The following CDIN1 variants were observed in gnomAD, a reference collection of about 807,000 sequenced individuals.
CDIN1 encodes CDAN1-interacting nuclease 1.
A neutral mutation model predicts 45.3 loss-of-function variants in CDIN1; 33 were observed. That is an observed-to-expected ratio of 0.73 (90% CI 0.55 to 0.97). CDIN1 has a LOEUF of 0.97. Among genes scored for constraint, CDIN1 ranks in the 50% least tolerant of loss-of-function variants. The probability of loss-of-function intolerance (pLI) is 0.00; values close to 1 mark genes in which losing one functional copy is unlikely to be tolerated. For missense variants in CDIN1, 303 were observed against 339.4 expected (o/e 0.89, Z 0.84); for synonymous variants, 118 against 124.4 (o/e 0.95, Z 0.34).
At position 36,595,819 on chromosome 15, in the gene CDIN1, A is replaced by T. The variant is rs116415218; in HGVS notation, c.101+15858A>T. ...AATACTTGGGAGATGAATAGAGCTTACACACAAGGGAAGATATTGCTGTCC... is the reference window on the plus strand; with the variant it reads ...AATACTTGGGAGATGAATAGAGCTTTCACACAAGGGAAGATATTGCTGTCC... On this transcript the variant is annotated intron_variant, in intron 1 of 10. Coordinates refer to ENST00000566621, the MANE Select transcript of CDIN1 (RefSeq NM_001321759.2). 7.9e-3 allele frequency among the ~76,000 whole-genome samples: 1,211 copies of T among 152,354 alleles called. 16 individuals are homozygous for T. The highest frequency in any genetic ancestry group is 0.028 in the African/African-American group (1,164 of 41,588).
intron 8 of CDIN1, among the ~76,000 whole-genome samples, chr15:36,701,114 A>ATAGG (rs56409880): frequency 5.0e-4 from 59 of 117,984 alleles, no homozygotes; most frequent in African/African-American, 1.9e-3. Context: ...AGATAGATAG[A>ATAGG]TAGGTAGGTA....
chr15:36,600,684 T>C (rs1418718786), intron 1 of CDIN1, among the ~76,000 whole-genome samples: 1 of 152,208 alleles, frequency 6.6e-6, no homozygotes, highest in Non-Finnish European at 1.5e-5. Flanking sequence ...AGTAGAAATT[T>C]GTATATTAAC....
intron 1 of CDIN1, among the ~76,000 whole-genome samples, chr15:36,621,021 A>G (rs2039162359): frequency 6.6e-6 from 1 of 152,222 alleles, no homozygotes; most frequent in African/African-American, 2.4e-5. Flanking sequence ...ACAAGTTTAC[A>G]TGCTGTTATT....
chr15:36,607,666 C>G (rs370010782), intron 1 of CDIN1, among the ~76,000 whole-genome samples: 1 of 151,910 alleles, frequency 6.6e-6, no homozygotes, highest in South Asian at 2.1e-4. Flanking sequence ...GTGTATTGTA[C>G]GTTATATAAG....
chr15:36,629,877 A>G (rs556262304), intron 1 of CDIN1, among the ~76,000 whole-genome samples: 1 of 152,286 alleles, frequency 6.6e-6, no homozygotes, highest in African/African-American at 2.4e-5. Flanking sequence ...GAAGAATTGA[A>G]ATTGTGAGGT....
At chr15:36,618,443 A>G (rs2038998674) in intron 1 of CDIN1, 2 of 869,454 alleles carry the variant, frequency 2.3e-6, no homozygotes, top group Admixed American at 1.7e-5. Context: ...GAGGTCGAAG[A>G]TGACGACAAG....
At chr15:36,797,465 T>C (rs1025708622) in intron 10 of CDIN1, among the ~76,000 whole-genome samples, 10 of 152,204 alleles carry the variant, frequency 6.6e-5, no homozygotes, top group Non-Finnish European at 1.3e-4. Context: ...AGCCAATTCT[T>C]GCTGCTCACA....
chr15:36,676,697 G>A lies in CDIN1; in HGVS notation c.347-14988G>A, dbSNP rs1322074262. Among the ~76,000 whole-genome samples, 3 of 152,122 alleles carry A rather than the reference G, an allele frequency of 2.0e-5. No homozygotes were observed. The South Asian group carries it at 6.2e-4, about 31-fold the overall frequency. Reference sequence around the variant, plus strand: ...GCCATGAACTTTCTCCTCTGATCTTGAATGGGAGTTTTCGCTTTACCTGTA... The same window carrying A: ...GCCATGAACTTTCTCCTCTGATCTTAAATGGGAGTTTTCGCTTTACCTGTA... On this transcript the variant is annotated intron_variant, in intron 5 of 10. Coordinates refer to ENST00000566621, the MANE Select transcript of CDIN1 (RefSeq NM_001321759.2).
chr15:36,721,244 A>G (rs149242559), intron 10 of CDIN1, among the ~76,000 whole-genome samples: 2,320 of 152,212 alleles, frequency 0.015, 68 homozygotes, highest in African/African-American at 0.053. Flanking sequence ...CTCTGATGGT[A>G]GTTTGTTTTG....
chr15:36,676,304 T>TG (rs1002377622), intron 5 of CDIN1, among the ~76,000 whole-genome samples: 33 of 152,300 alleles, frequency 2.2e-4, no homozygotes, highest in African/African-American at 7.5e-4. Flanking sequence ...AACACACTTT[T>TG]GTGCCCCCTT....
At chr15:36,654,071 A>C in intron 3 of CDIN1, 27 bp from the exon 4 acceptor site, 1 of 1,554,142 alleles carries the variant, frequency 6.4e-7, no homozygotes, top group Non-Finnish European at 8.7e-7. Context: ...TTGTCACTGC[A>C]TTACCACTTG....
At chr15:36,693,534 G>A (rs947055938) in intron 7 of CDIN1, among the ~76,000 whole-genome samples, 1 of 152,040 alleles carries the variant, frequency 6.6e-6, no homozygotes, top group Non-Finnish European at 1.5e-5. Context: ...TAATTTTAAA[G>A]CACATAAAAT....
At position 36,620,313 on chromosome 15, in the gene CDIN1, C is replaced by T. The variant is rs1168175817; in HGVS notation, c.102-23965C>T. Among the ~76,000 whole-genome samples, 27 of 151,580 alleles carry T rather than the reference C, an allele frequency of 1.8e-4. No homozygotes were observed. The East Asian group carries it at 2.5e-3, about 14-fold the overall frequency. On this transcript the variant is annotated intron_variant, in intron 1 of 10. Transcript: ENST00000566621. ...TTGCAGTGAGCCGAGATGGCGCCAC[C>T]GCACTCCAGCCTGGGCGACAAAGCG...
intron 4 of CDIN1, among the ~76,000 whole-genome samples, chr15:36,654,395 C>T (rs1433462658): frequency 6.6e-6 from 1 of 151,498 alleles, no homozygotes; most frequent in African/African-American, 2.4e-5. Context: ...TATAAACAGC[C>T]TCTTGGTTTC....
intron 10 of CDIN1, among the ~76,000 whole-genome samples, chr15:36,797,470 C>T (rs2141110550): frequency 6.6e-6 from 1 of 152,296 alleles, no homozygotes; most frequent in Middle Eastern, 3.4e-3. Context: ...ATTCTTGCTG[C>T]TCACAGCCTT....
At chr15:36,610,677 T>G (rs745893240) in intron 1 of CDIN1, among the ~76,000 whole-genome samples, 1 of 152,220 alleles carries the variant, frequency 6.6e-6, no homozygotes, top group Non-Finnish European at 1.5e-5. Context: ...TAAACAAAGG[T>G]GGATACCTGC....
intron 1 of CDIN1, among the ~76,000 whole-genome samples, chr15:36,635,527 G>T (rs1016236523): frequency 6.6e-6 from 1 of 152,062 alleles, no homozygotes; most frequent in African/African-American, 2.4e-5. Context: ...GTATCCTTGG[G>T]GGTCCTAGAA....
At chr15:36,714,603 A>C (rs528793935) in intron 10 of CDIN1, among the ~76,000 whole-genome samples, 15 of 152,200 alleles carry the variant, frequency 9.9e-5, no homozygotes, top group Non-Finnish European at 1.8e-4. Context: ...TTGGATTTCC[A>C]GGCTCCGTGT....
chr15:36,679,320 A>G (rs371649112), intron 5 of CDIN1, among the ~76,000 whole-genome samples: 1 of 152,202 alleles, frequency 6.6e-6, no homozygotes, highest in Non-Finnish European at 1.5e-5. Context: ...CATCAAATCA[A>G]CTATAACATC....
Sources: allele counts gnomAD v4.1 joint callset (sites outside exome capture counted in the v4.1 genomes callset), GRCh38; gene constraint gnomAD v4.1.1; transcripts MANE v1.5; gene names NCBI Gene and HGNC (gene_info 2026-07-23, HGNC 2026-07-21).